PRDM5: variants seen among roughly 807,000 people sequenced by gnomAD.
PRDM5 encodes PR/SET domain 5, also known as PR domain zinc finger protein 5.
In PRDM5, 56 loss-of-function variants were observed where a neutral mutation model predicts 81.2. The ratio of observed to expected loss-of-function variants is 0.69; its 90% CI spans 0.56 to 0.86. The LOEUF (loss-of-function observed/expected upper bound fraction) is 0.86, where lower values mean the gene tolerates loss of function less well. PRDM5 is among the 40% of genes least tolerant of loss of function. PRDM5 has a pLI of 0.00. For missense variants in PRDM5, 697 were observed against 770.1 expected (o/e 0.91, Z 1.12); for synonymous variants, 267 against 256.4 (o/e 1.04, Z -0.39).
At chr4:120,684,727 C>T (rs1036837327), downstream of PRDM5, among the ~76,000 whole-genome samples, 7 of 151,684 alleles carry the variant, frequency 4.6e-5, no homozygotes, top group African/African-American at 1.7e-4. Context: ...TTCTTTTGCT[C>T]AGAGAACCAG....
At chr4:120,708,501 T>C (rs972691700) in intron 15 of PRDM5, among the ~76,000 whole-genome samples, 1 of 151,986 alleles carries the variant, frequency 6.6e-6, no homozygotes, top group Admixed American at 6.6e-5. Context: ...GAGGTGTAAA[T>C]GTTTATTGGG....
intron 2 of PRDM5, among the ~76,000 whole-genome samples, chr4:120,899,749 T>G (rs2148656437): frequency 6.6e-6 from 1 of 152,262 alleles, no homozygotes; most frequent in Admixed American, 6.5e-5. Flanking sequence ...GGAGATAACG[T>G]CACATCCCAC....
intron 2 of PRDM5, among the ~76,000 whole-genome samples, chr4:120,880,635 G>A (rs180730): frequency 0.25 from 37,184 of 151,474 alleles, 5,146 homozygotes; most frequent in African/African-American, 0.36. Context: ...CTACATTTTC[G>A]TCATTAATAT....
intron 8 of PRDM5, among the ~76,000 whole-genome samples, chr4:120,805,402 AG>A (rs1752768774): frequency 6.6e-6 from 1 of 152,252 alleles, no homozygotes; most frequent in Non-Finnish European, 1.5e-5. Context: ...GAATAAAAAA[AG>A]AGAATTTTGG....
chr4:120,831,967 C>G (rs1180116388), intron 3 of PRDM5, among the ~76,000 whole-genome samples: 1 of 152,072 alleles, frequency 6.6e-6, no homozygotes, highest in Admixed American at 6.6e-5. Flanking sequence ...GTGTGAGGAA[C>G]AGGCCCCCCA....
At chr4:120,817,056 A>T (rs1754618532) in intron 5 of PRDM5, 132 bp from the exon 6 acceptor site, 4 of 777,090 alleles carry the variant, frequency 5.1e-6, no homozygotes, top group Non-Finnish European at 6.6e-6. Context: ...GCCTTTTTAA[A>T]TTTTTAGCAG....
chr4:120,920,074 G>C (rs764346955), intron 1 of PRDM5, among the ~76,000 whole-genome samples: 12 of 152,108 alleles, frequency 7.9e-5, no homozygotes, highest in Non-Finnish European at 1.6e-4. Flanking sequence ...ACCACTCTAG[G>C]AAGCACTGCA....
chr4:120,909,662 A>G (rs1766260445), intron 1 of PRDM5, among the ~76,000 whole-genome samples: 1 of 147,500 alleles, frequency 6.8e-6, no homozygotes. Flanking sequence ...CAGTGTTCAG[A>G]GGACTAAAGA....
intron 1 of PRDM5, among the ~76,000 whole-genome samples, chr4:120,919,620 C>T (rs181172445): frequency 3.9e-5 from 6 of 152,222 alleles, no homozygotes; most frequent in Non-Finnish European, 8.8e-5. Flanking sequence ...AGTAAGGTGT[C>T]TGCTTAACTT....
At chr4:120,781,955 T>C (rs1483443717) in intron 11 of PRDM5, among the ~76,000 whole-genome samples, 1 of 152,182 alleles carries the variant, frequency 6.6e-6, no homozygotes. Flanking sequence ...ATAGCAAGAC[T>C]ATTAGCCACC....
intron 13 of PRDM5, among the ~76,000 whole-genome samples, chr4:120,760,928 G>T (rs1422693414): frequency 6.6e-6 from 1 of 152,118 alleles, no homozygotes; most frequent in Non-Finnish European, 1.5e-5. Context: ...ACAAAACAAG[G>T]ATATAGGTTT....
At chr4:120,688,871 T>C (rs1039174051), downstream of PRDM5, among the ~76,000 whole-genome samples, 1 of 152,208 alleles carries the variant, frequency 6.6e-6, no homozygotes, top group Non-Finnish European at 1.5e-5. Context: ...AAATACTGTT[T>C]TGATGACAGT....
At chr4:120,741,650 C>A (rs1578545871) in intron 14 of PRDM5, among the ~76,000 whole-genome samples, 1 of 152,166 alleles carries the variant, frequency 6.6e-6, no homozygotes, top group South Asian at 2.1e-4. Context: ...CTTTCCTAAT[C>A]AAAGAAAGGG....
intron 2 of PRDM5, among the ~76,000 whole-genome samples, chr4:120,901,891 G>A (rs1765263866): frequency 6.6e-6 from 1 of 152,154 alleles, no homozygotes; most frequent in South Asian, 2.1e-4. Flanking sequence ...AACACCCACT[G>A]CATCCACAGA....
chr4:120,887,049 G>A (rs997186152), intron 2 of PRDM5, among the ~76,000 whole-genome samples: 34 of 151,688 alleles, frequency 2.2e-4, no homozygotes, highest in Non-Finnish European at 4.0e-4. Flanking sequence ...GGGTTCAAGC[G>A]ATTTTCCTGC....
chr4:120,815,172 A>C (rs923202566), intron 7 of PRDM5, among the ~76,000 whole-genome samples: 1 of 152,238 alleles, frequency 6.6e-6, no homozygotes, highest in Non-Finnish European at 1.5e-5. Flanking sequence ...GAAAATTAAG[A>C]ATAGCATTTT....
chr4:120,784,476 T>C (rs1749474852), intron 11 of PRDM5, among the ~76,000 whole-genome samples: 1 of 152,146 alleles, frequency 6.6e-6, no homozygotes, highest in South Asian at 2.1e-4. Context: ...ACCTGTTTGC[T>C]ACTCCTTGCG....
intron 13 of PRDM5, among the ~76,000 whole-genome samples, chr4:120,766,201 C>A (rs943675718): frequency 1.3e-5 from 2 of 152,184 alleles, no homozygotes; most frequent in Admixed American, 6.5e-5. Context: ...CTCAGGTGAT[C>A]CCCTGCCTCG....
Position 120,745,489 on chromosome 4 carries a change from A to T in PRDM5, c.1623+9064T>A, listed in dbSNP as rs1742848451. 4.0e-5 allele frequency among the ~76,000 whole-genome samples: 6 copies of T among 151,040 alleles called. No individual in the cohort carries two copies. In the East Asian group the frequency reaches 7.8e-4, roughly 20 times the overall value. On this transcript the variant is annotated intron_variant, in intron 14 of 15. Coordinates refer to ENST00000264808, the MANE Select transcript of PRDM5 (RefSeq NM_018699.4). ...TTCAATTAGGAAAAGAGGAAGTCAA[A>T]TTGTCCCTGTTTGCAGATGAGATGA...
Sources: allele counts gnomAD v4.1 joint callset (sites outside exome capture counted in the v4.1 genomes callset), GRCh38; gene constraint gnomAD v4.1.1; transcripts MANE v1.5; gene names NCBI Gene and HGNC (gene_info 2026-07-23, HGNC 2026-07-21).